Variants in INTS12 observed in about 807,000 individuals in gnomAD.
The protein encoded by INTS12 is PHD finger protein 22.
A neutral mutation model predicts 41.6 loss-of-function variants in INTS12; 13 were observed. That is an observed-to-expected ratio of 0.31 (90% confidence interval 0.20 to 0.50). The LOEUF is 0.50. Ranked by LOEUF, INTS12 falls within the 20% of genes least tolerant of loss-of-function variation. The probability of loss-of-function intolerance (pLI) is 0.98; values close to 1 mark genes in which losing one functional copy is unlikely to be tolerated. For missense variants in INTS12, 432 were observed against 541.6 expected (o/e 0.80, Z 2.01); for synonymous variants, 199 against 191.4 (o/e 1.04, Z -0.33).
rs1256382306 is a variant in INTS12, at chr4:105,703,798, A to G, written c.-160T>C. The stretch of plus-strand genomic sequence containing the variant: ...TTTAAAATTGCTTCTGTGTTTCAGT[A>G]GATGGCCTCACCTACTTCACAAAGA... On this transcript the variant is annotated 5_prime_UTR_variant, in exon 2 of 8. Transcript: ENST00000340139. The G allele has an allele frequency of 6.6e-6, 1 of 152,234 alleles. No individual in the cohort carries two copies. The highest frequency in any genetic ancestry group is 1.9e-4 in the East Asian group (1 of 5,208). The allele number at this position is 152,234 out of a possible 1,614,324, so 9.4% of individuals were successfully genotyped here.
intron 3 of INTS12, among the ~76,000 whole-genome samples, chr4:105,698,494 A>G (rs1731949235): frequency 6.6e-6 from 1 of 152,330 alleles, no homozygotes; most frequent in Non-Finnish European, 1.5e-5. Flanking sequence ...CTTTTTAATC[A>G]CAACAAATTT....
intron 1 of INTS12, chr4:105,708,396 G>A: frequency 1.0e-6 from 1 of 985,454 alleles, no homozygotes; most frequent in Non-Finnish European, 1.2e-6. Flanking sequence ...CAAGTCCCTT[G>A]TCCCTAGACC....
At chr4:105,696,464 T>G (rs904304062) in intron 3 of INTS12, among the ~76,000 whole-genome samples, 1 of 152,228 alleles carries the variant, frequency 6.6e-6, no homozygotes. Flanking sequence ...GGAATCATAT[T>G]CTTTTTTGGT....
chr4:105,687,083 TTAA>T, intron 6 of INTS12: 1 of 451,254 alleles, frequency 2.2e-6, no homozygotes, highest in South Asian at 2.6e-5. Flanking sequence ...AGAGGGTTAG[TTAA>T]ATACCATTTT....
Position 105,688,268 on chromosome 4 carries a change from G to A in INTS12, c.658-1430C>T, listed in dbSNP as rs1481008671. The stretch of plus-strand genomic sequence containing the variant: ...TCCCGCCAGCCATTCCATAGTCTTT[G>A]ATAATCTTCATAAGCCCATACAGTA... On this transcript the variant is annotated intron_variant, in intron 6 of 7. Transcript: ENST00000340139. Among the ~76,000 whole-genome samples, 6 of 152,108 alleles carry A rather than the reference G, an allele frequency of 3.9e-5. No individual in the cohort carries two copies. In the East Asian group the frequency reaches 1.2e-3, roughly 29 times the overall value.
intron 3 of INTS12, 99 bp downstream of exon 3, chr4:105,699,751 T>C (rs1312628178): frequency 1.2e-6 from 1 of 855,130 alleles, no homozygotes; most frequent in Non-Finnish European, 1.7e-6. Context: ...CAAGGAAAGA[T>C]TATTTCGGCA....
intron 4 of INTS12, among the ~76,000 whole-genome samples, chr4:105,693,830 A>G (rs1204411447): frequency 6.6e-6 from 1 of 152,240 alleles, no homozygotes; most frequent in Non-Finnish European, 1.5e-5. Flanking sequence ...TTTGCTTCAA[A>G]GCAAATTCGG....
chr4:105,707,649 G>C (rs1732337548), intron 1 of INTS12, among the ~76,000 whole-genome samples: 1 of 152,154 alleles, frequency 6.6e-6, no homozygotes, highest in East Asian at 1.9e-4. Context: ...GTTCCTATCT[G>C]TAAAATTCTC....
At chr4:105,701,985 C>T (rs1157425028) in intron 2 of INTS12, among the ~76,000 whole-genome samples, 2 of 152,168 alleles carry the variant, frequency 1.3e-5, no homozygotes, top group African/African-American at 4.8e-5. Context: ...ACCTTGGAGT[C>T]AGTTCTTTTT....
chr4:105,702,433 G>T (rs186236674), intron 2 of INTS12, among the ~76,000 whole-genome samples: 1 of 152,124 alleles, frequency 6.6e-6, no homozygotes, highest in Non-Finnish European at 1.5e-5. Context: ...ACCGCGCCCA[G>T]CCAATTTATT....
chr4:105,700,085 G>GT (rs1732009407), intron 2 of INTS12, 71 bp from the exon 3 acceptor site: 10 of 1,112,236 alleles, frequency 9.0e-6, no homozygotes, highest in East Asian at 7.5e-5. Flanking sequence ...TTACTTTTCT[G>GT]TTTTTTAATT....
intron 1 of INTS12, chr4:105,708,016 A>G: frequency 1.0e-6 from 1 of 985,438 alleles, no homozygotes; most frequent in African/African-American, 1.7e-5. Context: ...TATCGTTGCC[A>G]TTTCATAATG....
intron 7 of INTS12, among the ~76,000 whole-genome samples, chr4:105,685,222 A>G (rs1412695383): frequency 6.6e-6 from 1 of 152,126 alleles, no homozygotes; most frequent in East Asian, 1.9e-4. Flanking sequence ...TTTTTATTAA[A>G]GAAACACAAA....
intron 3 of INTS12, among the ~76,000 whole-genome samples, chr4:105,697,791 T>C (rs112481782): frequency 0.032 from 4,892 of 152,282 alleles, 243 homozygotes; most frequent in African/African-American, 0.1. Context: ...GACACATGCC[T>C]GTAATCCCAG....
At chr4:105,700,535 CT>C (rs370699451) in intron 2 of INTS12, among the ~76,000 whole-genome samples, 1,652 of 140,598 alleles carry the variant, frequency 0.012, 26 homozygotes, top group African/African-American at 0.037. Flanking sequence ...TACCTCAACT[CT>C]TTTTTTTTTT....
At chr4:105,688,703 A>G (rs1273730091) in intron 6 of INTS12, among the ~76,000 whole-genome samples, 1 of 152,166 alleles carries the variant, frequency 6.6e-6, no homozygotes, top group Non-Finnish European at 1.5e-5. Context: ...ACCCACATCT[A>G]GCACTCCTGA....
intron 2 of INTS12, among the ~76,000 whole-genome samples, chr4:105,702,426 G>A (rs1020183600): frequency 3.9e-5 from 6 of 152,086 alleles, no homozygotes; most frequent in Admixed American, 1.3e-4. Context: ...GTGAGCCACC[G>A]CGCCCAGCCA....
intron 1 of INTS12, among the ~76,000 whole-genome samples, chr4:105,707,669 CG>C (rs1732339174): frequency 6.6e-6 from 1 of 152,216 alleles, no homozygotes; most frequent in African/African-American, 2.4e-5. Context: ...CACAATCTTT[CG>C]CCTGTCTTGC....
chr4:105,693,080 A>T (rs1731743872), intron 5 of INTS12, among the ~76,000 whole-genome samples: 1 of 152,244 alleles, frequency 6.6e-6, no homozygotes, highest in African/African-American at 2.4e-5. Context: ...AACATAACAG[A>T]TTTAAAAGCC....
Sources: allele counts gnomAD v4.1 joint callset (sites outside exome capture counted in the v4.1 genomes callset), GRCh38; gene constraint gnomAD v4.1.1; transcripts MANE v1.5; gene names NCBI Gene and HGNC (gene_info 2026-07-23, HGNC 2026-07-21).